Variants in SRRM3 observed in about 807,000 individuals in gnomAD.
SRRM3 encodes serine/arginine repetitive matrix protein 3.
SRRM3 carries 27 observed loss-of-function variants against 66.2 expected under a neutral mutation model. The ratio of observed to expected loss-of-function variants is 0.41; its 90% confidence interval spans 0.30 to 0.56. The LOEUF (loss-of-function observed/expected upper bound fraction) is 0.56. Among genes scored for constraint, SRRM3 ranks in the 20% least tolerant of loss-of-function variants. SRRM3 has a pLI of 0.32. For synonymous variants in SRRM3, 391 were observed against 414.9 expected, an observed-to-expected ratio of 0.94 and a Z score of 0.70; for missense variants, 918 against 991.9, an observed-to-expected ratio of 0.93 and a Z score of 1.00.
intron 2 of SRRM3, among the ~76,000 whole-genome samples, chr7:76,237,831 C>T (rs372886166): frequency 1.3e-5 from 2 of 151,886 alleles, no homozygotes; most frequent in Non-Finnish European, 2.9e-5. Flanking sequence ...AGCCCTCCCC[C>T]TCAAAGACCT....
intron 1 of SRRM3, among the ~76,000 whole-genome samples, chr7:76,234,415 G>T (rs761499802): frequency 6.6e-6 from 1 of 152,176 alleles, no homozygotes; most frequent in Non-Finnish European, 1.5e-5. Flanking sequence ...GGCCCAATCT[G>T]GGTGAGCCCC....
chr7:76,267,240 C>T lies in SRRM3; in HGVS notation c.831-18C>T, dbSNP rs538918658. On this transcript the variant is annotated intron_variant, in intron 10 of 14. Transcript: ENST00000611745. ...GTCCCACGCCGACTCCCCCATTCTTCCTGGCGCCTAACCCCAGGCTGAGCC... is the reference window on the plus strand; with the variant it reads ...GTCCCACGCCGACTCCCCCATTCTTTCTGGCGCCTAACCCCAGGCTGAGCC... The T allele has an allele frequency of 6.6e-7, 1 of 1,517,774 alleles. No homozygotes were observed. Among genetic ancestry groups the T allele is most frequent in the East Asian group, 2.7e-5 (1 of 36,754 alleles). The allele number at this position is 1,517,774 out of a possible 1,614,324, so 94.0% of individuals were successfully genotyped here.
intron 3 of SRRM3, among the ~76,000 whole-genome samples, chr7:76,250,434 A>C (rs1554606753): frequency 6.6e-6 from 1 of 151,930 alleles, no homozygotes; most frequent in African/African-American, 2.4e-5. Flanking sequence ...GGGTTTCGCC[A>C]CATTGGCCAG....
At chr7:76,246,481 T>C (rs566052227) in intron 2 of SRRM3, among the ~76,000 whole-genome samples, 1 of 152,106 alleles carries the variant, frequency 6.6e-6, no homozygotes, top group African/African-American at 2.4e-5. Flanking sequence ...GGAGAATCAC[T>C]TGAACCCGGG....
intron 2 of SRRM3, among the ~76,000 whole-genome samples, chr7:76,236,449 G>A (rs1801157044): frequency 1.4e-5 from 2 of 142,302 alleles, no homozygotes; most frequent in East Asian, 2.4e-4. Context: ...GGGGTGGGGG[G>A]GCGGGGAGCT....
chr7:76,274,237 G>A (rs1802282918), intron 11 of SRRM3, among the ~76,000 whole-genome samples: 1 of 152,232 alleles, frequency 6.6e-6, no homozygotes, highest in African/African-American at 2.4e-5. Flanking sequence ...CCATCCTTGG[G>A]GGCCTACTGG....
chr7:76,281,167 TTCTC>T (rs369532639), intron 11 of SRRM3, among the ~76,000 whole-genome samples: 36 of 150,618 alleles, frequency 2.4e-4, no homozygotes, highest in African/African-American at 6.4e-4. Flanking sequence ...TCTTTCTTTC[TTCTC>T]TCTGTCTTTC....
At chr7:76,250,324 C>G (rs1176337732) in intron 3 of SRRM3, among the ~76,000 whole-genome samples, 3 of 152,084 alleles carry the variant, frequency 2.0e-5, no homozygotes, top group Non-Finnish European at 4.4e-5. Flanking sequence ...CTCTGCCCCC[C>G]GGGTTCAAGC....
intron 1 of SRRM3, among the ~76,000 whole-genome samples, chr7:76,207,322 AAGAG>A (rs141199793): frequency 1.3e-5 from 2 of 149,724 alleles, no homozygotes; most frequent in Admixed American, 6.7e-5. Flanking sequence ...AACACAGAGA[AAGAG>A]AGAGAGAGAG....
intron 10 of SRRM3, among the ~76,000 whole-genome samples, chr7:76,266,908 A>C (rs138283116): frequency 1.8e-4 from 27 of 151,918 alleles, no homozygotes; most frequent in African/African-American, 6.3e-4. Flanking sequence ...CCTGACCTCA[A>C]GCGATCCGCC....
At position 76,281,761 on chromosome 7, in the gene SRRM3, C is replaced by A; in HGVS notation, c.1329C>A (p.Pro443=). 7.3e-7 allele frequency: 1 copy of A among 1,378,232 alleles called. No individual in the cohort carries two copies. The allele number at this position is 1,378,232 out of a possible 1,614,324, so 85.4% of individuals were successfully genotyped here. The change falls in exon 12 of 15, where the codon CCC becomes CCA. Residue 443 remains proline, a synonymous_variant. Coordinates refer to ENST00000611745, the MANE Select transcript of SRRM3 (RefSeq NM_001110199.3). ...GCCGCGGCGCCCCCGGCCCCGGGCC[C>A]GAGCCCGGCTCTGAGCGAGGCCACG... is the stretch of plus-strand genomic sequence containing the variant. ...GSGRGAPGPG[P]EPGSERGHGG...
At position 76,235,190 on chromosome 7, in the gene SRRM3, G is replaced by A; in HGVS notation, c.124G>A (p.Ala42Thr). The change falls in exon 2 of 15, where the codon GCG (alanine) becomes ACG (threonine). Residue 42 changes from alanine to threonine, a missense_variant. By Grantham distance (58) the Ala-to-Thr change is moderately conservative. Coordinates refer to ENST00000611745, the MANE Select transcript of SRRM3 (RefSeq NM_001110199.3). ...WPRAEEELRA[A>T]EPGLVKRAHR... ...GCGGGCGGAAGAGGAGCTGCGCGCC[G>A]CGGAGCCGGGCCTGGTGAAGCGCGC... 1 of 1,548,780 alleles carries A rather than the reference G, an allele frequency of 6.5e-7. No individual in the cohort carries two copies.
At chr7:76,249,601 G>A (rs1446247201) in intron 3 of SRRM3, among the ~76,000 whole-genome samples, 4 of 152,234 alleles carry the variant, frequency 2.6e-5, no homozygotes, top group African/African-American at 9.6e-5. Flanking sequence ...GGAACAGCCT[G>A]TGCCTGGGAT....
At chr7:76,206,819 C>T (rs1031575069) in intron 1 of SRRM3, among the ~76,000 whole-genome samples, 5 of 152,236 alleles carry the variant, frequency 3.3e-5, no homozygotes, top group African/African-American at 4.8e-5. Flanking sequence ...AGCCTCCTGC[C>T]GCCCCCGCCC....
At chr7:76,274,088 C>CG (rs1212001874) in intron 11 of SRRM3, among the ~76,000 whole-genome samples, 2 of 152,252 alleles carry the variant, frequency 1.3e-5, no homozygotes, top group African/African-American at 4.8e-5. Flanking sequence ...TGCCAGCCCC[C>CG]GGGACTTCGG....
At chr7:76,278,869 C>T (rs1802427675) in intron 11 of SRRM3, among the ~76,000 whole-genome samples, 1 of 152,230 alleles carries the variant, frequency 6.6e-6, no homozygotes, top group South Asian at 2.1e-4. Context: ...AGGAAACACC[C>T]AGGGCCATGC....
At chr7:76,253,807 AAAAG>A (rs1801641146) in intron 3 of SRRM3, among the ~76,000 whole-genome samples, 2 of 150,528 alleles carry the variant, frequency 1.3e-5, no homozygotes, top group Non-Finnish European at 3.0e-5. Context: ...AAAAAAAAAA[AAAAG>A]GACATTGTTC....
chr7:76,215,717 T>C (rs1423701354), intron 1 of SRRM3, among the ~76,000 whole-genome samples: 1 of 141,730 alleles, frequency 7.1e-6, no homozygotes, highest in Admixed American at 7.2e-5. Flanking sequence ...AACCTCTGCC[T>C]CCCAGGTTCA....
chr7:76,281,900 G>C (rs1185763360), intron 12 of SRRM3, 98 bp downstream of exon 12: 6 of 973,044 alleles, frequency 6.2e-6, no homozygotes, highest in African/African-American at 2.0e-5. Context: ...TCCCCGCGCT[G>C]AGCTACCCTC....
Sources: allele counts gnomAD v4.1 joint callset (sites outside exome capture counted in the v4.1 genomes callset), GRCh38; gene constraint gnomAD v4.1.1; transcripts MANE v1.5; gene names NCBI Gene and HGNC (gene_info 2026-07-23, HGNC 2026-07-21).